The following ATXN7L1 variants were observed in gnomAD, a reference collection of about 807,000 sequenced individuals.
The protein encoded by ATXN7L1 is ataxin-7-like protein 1.
A neutral mutation model predicts 70.8 loss-of-function variants in ATXN7L1; 15 were observed. That is an observed-to-expected ratio of 0.21 (90% CI 0.14 to 0.33). ATXN7L1 has a LOEUF of 0.33. ATXN7L1 is among the 10% of genes least tolerant of loss of function. The pLI is 1.00. For missense variants in ATXN7L1, 975 were observed against 1,097.1 expected (o/e 0.89, Z 1.57); for synonymous variants, 440 against 445.1 (o/e 0.99, Z 0.14).
Position 105,858,288 on chromosome 7 carries a change from G to A in ATXN7L1, c.250+17524C>T, listed in dbSNP as rs147957064. Among the ~76,000 whole-genome samples, 25 of 152,280 alleles carry A rather than the reference G, an allele frequency of 1.6e-4. No homozygotes were observed. The East Asian group carries it at 4.2e-3, about 26-fold the overall frequency. ...TCATCAGTGTTCAACTACTTACTAT[G>A]AGCACTGATAATTAAAGAGAAAAAC... is the stretch of plus-strand genomic sequence containing the variant. On this transcript the variant is annotated intron_variant, in intron 2 of 11. Transcript: ENST00000419735.
At chr7:105,713,664 C>G (rs933183444) in intron 3 of ATXN7L1, among the ~76,000 whole-genome samples, 1 of 152,268 alleles carries the variant, frequency 6.6e-6, no homozygotes, top group Non-Finnish European at 1.5e-5. Flanking sequence ...AAGGTTAGGA[C>G]TCCGCAGGTT....
intron 3 of ATXN7L1, among the ~76,000 whole-genome samples, chr7:105,783,254 T>C (rs916506716): frequency 6.6e-6 from 1 of 152,254 alleles, no homozygotes; most frequent in African/African-American, 2.4e-5. Flanking sequence ...TATTGTGATA[T>C]AATAGGAAAC....
Position 105,638,624 on chromosome 7 carries a change from A to C in ATXN7L1, c.946-15T>G. On this transcript the variant is annotated splice_polypyrimidine_tract_variant and intron_variant, in intron 6 of 11. Coordinates refer to ENST00000419735, the MANE Select transcript of ATXN7L1 (RefSeq NM_020725.2). ...AGCGAATGTGTCTAAGGAGAAGAGA[A>C]ATGAAAAGCACAGCCTCTTTGATCA... 6.5e-7 allele frequency: 1 copy of C among 1,544,978 alleles called. No homozygotes were observed. Among genetic ancestry groups the C allele is most frequent in the Non-Finnish European group, 8.7e-7 (1 of 1,143,276 alleles).
At chr7:105,716,979 A>G (rs149740461) in intron 3 of ATXN7L1, among the ~76,000 whole-genome samples, 1 of 152,306 alleles carries the variant, frequency 6.6e-6, no homozygotes, top group African/African-American at 2.4e-5. Flanking sequence ...TGAATGAGGA[A>G]GAAACTAAAA....
chr7:105,782,032 C>T (rs1009913880), intron 3 of ATXN7L1, among the ~76,000 whole-genome samples: 2 of 152,140 alleles, frequency 1.3e-5, no homozygotes, highest in Admixed American at 6.5e-5. Context: ...GGGGTTTCTC[C>T]ATGTTGCCTA....
intron 3 of ATXN7L1, among the ~76,000 whole-genome samples, chr7:105,773,884 A>G (rs1008330985): frequency 1.3e-5 from 2 of 152,226 alleles, no homozygotes; most frequent in African/African-American, 4.8e-5. Flanking sequence ...GTGGTTAAAA[A>G]AAATAAATGA....
chr7:105,840,371 G>C (rs1030786538), intron 2 of ATXN7L1, among the ~76,000 whole-genome samples: 1 of 152,208 alleles, frequency 6.6e-6, no homozygotes, highest in African/African-American at 2.4e-5. Flanking sequence ...TGGCGAAGAG[G>C]AGGGGCCAGA....
intron 2 of ATXN7L1, among the ~76,000 whole-genome samples, chr7:105,841,707 G>A (rs1813235720): frequency 6.6e-6 from 1 of 152,094 alleles, no homozygotes; most frequent in South Asian, 2.1e-4. Flanking sequence ...CTGGCATATT[G>A]TTATAATTGT....
intron 3 of ATXN7L1, among the ~76,000 whole-genome samples, chr7:105,723,420 G>A (rs1306573661): frequency 3.3e-5 from 5 of 152,142 alleles, no homozygotes; most frequent in African/African-American, 1.2e-4. Flanking sequence ...TTATTCAACA[G>A]ATAGCAGCTG....
chr7:105,794,993 C>T (rs1322251624), intron 2 of ATXN7L1, among the ~76,000 whole-genome samples: 1 of 152,230 alleles, frequency 6.6e-6, no homozygotes, highest in Non-Finnish European at 1.5e-5. Context: ...GAGTCCATCA[C>T]ATTCACGTTA....
chr7:105,679,546 T>C (rs1342820090), intron 3 of ATXN7L1, among the ~76,000 whole-genome samples: 1 of 152,188 alleles, frequency 6.6e-6, no homozygotes, highest in African/African-American at 2.4e-5. Context: ...ATTATAATGA[T>C]TGGAAAATAC....
chr7:105,719,290 CT>C (rs1794921651), intron 3 of ATXN7L1, among the ~76,000 whole-genome samples: 1 of 152,174 alleles, frequency 6.6e-6, no homozygotes, highest in African/African-American at 2.4e-5. Flanking sequence ...CACATTCAGT[CT>C]GGGAGGCTCC....
At chr7:105,783,537 T>C (rs908972585) in intron 3 of ATXN7L1, among the ~76,000 whole-genome samples, 1 of 152,046 alleles carries the variant, frequency 6.6e-6, no homozygotes, top group Admixed American at 6.5e-5. Context: ...GGCCAATGAT[T>C]TAACCAATCA....
chr7:105,823,643 T>C (rs1359575287), intron 2 of ATXN7L1, among the ~76,000 whole-genome samples: 1 of 152,224 alleles, frequency 6.6e-6, no homozygotes, highest in Non-Finnish European at 1.5e-5. Flanking sequence ...TACTCCTCAA[T>C]TTTATCTTTT....
At chr7:105,738,451 C>CAT (rs1202403967) in intron 3 of ATXN7L1, among the ~76,000 whole-genome samples, 2 of 152,222 alleles carry the variant, frequency 1.3e-5, no homozygotes, top group South Asian at 2.1e-4. Context: ...ATAACTAAAT[C>CAT]ACACTAGCAC....
intron 3 of ATXN7L1, among the ~76,000 whole-genome samples, chr7:105,691,244 G>A (rs1192597786): frequency 6.6e-6 from 1 of 152,098 alleles, no homozygotes; most frequent in Non-Finnish European, 1.5e-5. Context: ...CTCGAGGAGC[G>A]CCCCAGAGGA....
At chr7:105,670,919 A>T (rs1207021592) in intron 3 of ATXN7L1, among the ~76,000 whole-genome samples, 1 of 152,058 alleles carries the variant, frequency 6.6e-6, no homozygotes, top group African/African-American at 2.4e-5. Flanking sequence ...ATCCTGGCTA[A>T]CACGGTGAAA....
At chr7:105,768,561 A>C (rs1318521800) in intron 3 of ATXN7L1, among the ~76,000 whole-genome samples, 3 of 152,224 alleles carry the variant, frequency 2.0e-5, no homozygotes, top group South Asian at 4.1e-4. Context: ...ACCCATCACG[A>C]GTAGGTTTAC....
At chr7:105,752,166 T>C (rs757205831) in intron 3 of ATXN7L1, among the ~76,000 whole-genome samples, 1 of 152,176 alleles carries the variant, frequency 6.6e-6, no homozygotes, top group Non-Finnish European at 1.5e-5. Flanking sequence ...TTCACAGGCC[T>C]TAACTGGAAC....
Sources: allele counts gnomAD v4.1 joint callset (sites outside exome capture counted in the v4.1 genomes callset), GRCh38; gene constraint gnomAD v4.1.1; transcripts MANE v1.5; gene names NCBI Gene and HGNC (gene_info 2026-07-23, HGNC 2026-07-21).